The following IL7 variants were observed in gnomAD, a reference collection of about 807,000 sequenced individuals.
The protein encoded by IL7 is interleukin-7.
A neutral mutation model predicts 21.6 loss-of-function variants in IL7; 3 were observed. That is an observed-to-expected ratio of 0.14 (90% CI 0.06 to 0.36). The LOEUF is 0.36. Ranked by LOEUF, IL7 falls within the 10% of genes least tolerant of loss-of-function variation. IL7 has a pLI of 1.00. For synonymous variants in IL7, 62 were observed against 68.1 expected (o/e 0.91, Z 0.44); for missense variants, 175 against 200.2 (o/e 0.87, Z 0.76).
chr8:78,731,477 T>C (rs1811423944), downstream of IL7, among the ~76,000 whole-genome samples: 1 of 151,914 alleles, frequency 6.6e-6, no homozygotes, highest in East Asian at 1.9e-4. Context: ...CTTATAAGAA[T>C]TGTGAACCTC....
intron 2 of IL7, among the ~76,000 whole-genome samples, chr8:78,753,686 C>T (rs1405544792): frequency 6.6e-6 from 1 of 152,078 alleles, no homozygotes; most frequent in Non-Finnish European, 1.5e-5. Context: ...AGGTTTTCTT[C>T]TAGGGTTTTT....
chr8:78,690,608 C>T (rs1362457807), intron 3 of IL7, among the ~76,000 whole-genome samples: 1 of 150,776 alleles, frequency 6.6e-6, no homozygotes, highest in African/African-American at 2.4e-5. Flanking sequence ...TTTATATATA[C>T]ATTTTATAAT....
intron 3 of IL7, among the ~76,000 whole-genome samples, chr8:78,697,047 G>T (rs1810444299): frequency 6.6e-6 from 1 of 152,120 alleles, no homozygotes; most frequent in Non-Finnish European, 1.5e-5. Context: ...GTCTAGTTTG[G>T]AAAACCTTTG....
At chr8:78,680,446 A>G (rs1436636668) in intron 4 of IL7, among the ~76,000 whole-genome samples, 1 of 152,116 alleles carries the variant, frequency 6.6e-6, no homozygotes, top group Non-Finnish European at 1.5e-5. Flanking sequence ...CTCCTCCCAA[A>G]CATACTGAAT....
At chr8:78,711,685 T>C (rs1810955052) in intron 3 of IL7, among the ~76,000 whole-genome samples, 1 of 152,160 alleles carries the variant, frequency 6.6e-6, no homozygotes, top group African/African-American at 2.4e-5. Context: ...CTTCATGATT[T>C]TTTTTTTGAA....
At chr8:78,717,351 C>G (rs77219198), downstream of IL7, 1 of 1,609,730 alleles carries the variant, frequency 6.2e-7, no homozygotes, top group Non-Finnish European at 8.5e-7. Context: ...TGTGCATCTT[C>G]CCTTAATGGT....
At chr8:78,795,779 A>G (rs933292268) in intron 2 of IL7, among the ~76,000 whole-genome samples, 1 of 152,110 alleles carries the variant, frequency 6.6e-6, no homozygotes, top group African/African-American at 2.4e-5. Flanking sequence ...CAAGAAATCT[A>G]AATGGAGCAA....
At chr8:78,717,415 C>T (rs1333700638), downstream of IL7, 2 of 1,613,220 alleles carry the variant, frequency 1.2e-6, no homozygotes, top group Non-Finnish European at 1.7e-6. Context: ...CAAAATTCTG[C>T]CATGAGTGTG....
downstream of IL7, among the ~76,000 whole-genome samples, chr8:78,712,960 A>G (rs939644797): frequency 2.6e-5 from 4 of 152,182 alleles, no homozygotes; most frequent in Non-Finnish European, 5.9e-5. Flanking sequence ...TTAAGATACT[A>G]GCAGCAGCCA....
intron 3 of IL7, among the ~76,000 whole-genome samples, chr8:78,721,897 G>A (rs1462364263): frequency 6.6e-6 from 1 of 151,852 alleles, no homozygotes; most frequent in Non-Finnish European, 1.5e-5. Context: ...ACTATATAGT[G>A]ATAAAATTGA....
At chr8:78,780,123 C>A (rs1445559834) in intron 2 of IL7, among the ~76,000 whole-genome samples, 2 of 152,002 alleles carry the variant, frequency 1.3e-5, no homozygotes, top group Non-Finnish European at 2.9e-5. Flanking sequence ...ATTCTTCTCC[C>A]TTTTCTTCTT....
intron 1 of IL7, among the ~76,000 whole-genome samples, chr8:78,800,515 G>A (rs892339343): frequency 2.0e-5 from 3 of 152,040 alleles, no homozygotes; most frequent in Non-Finnish European, 2.9e-5. Flanking sequence ...GTACAGACTG[G>A]TCTTGAACTC....
chr8:78,689,127 TA>T, intron 3 of IL7: 6 of 920,442 alleles, frequency 6.5e-6, no homozygotes, highest in Non-Finnish European at 8.8e-6. Context: ...TGTTATTACT[TA>T]TATTTTTTGA....
intron 3 of IL7, among the ~76,000 whole-genome samples, chr8:78,690,601 A>G (rs899209746): frequency 6.6e-6 from 1 of 151,808 alleles, no homozygotes; most frequent in Non-Finnish European, 1.5e-5. Flanking sequence ...ATTTACATTT[A>G]TATATACATT....
At chr8:78,690,490 G>T (rs1441438477) in intron 3 of IL7, among the ~76,000 whole-genome samples, 2 of 151,600 alleles carry the variant, frequency 1.3e-5, no homozygotes, top group African/African-American at 2.4e-5. Context: ...AACCTGGGAG[G>T]AGGAGCTTGC....
At chr8:78,768,755 T>C (rs1812846568) in intron 2 of IL7, among the ~76,000 whole-genome samples, 1 of 152,076 alleles carries the variant, frequency 6.6e-6, no homozygotes. Flanking sequence ...TCTTTTGCTG[T>C]GCAGAAGCTC....
intron 1 of IL7, 143 bp downstream of exon 1, chr8:78,804,770 G>A (rs925480847): frequency 5.7e-6 from 5 of 881,364 alleles, no homozygotes; most frequent in Non-Finnish European, 8.9e-6. Flanking sequence ...GCTGCCCATG[G>A]GAGAGCCAGT....
chr8:78,712,117 G>T (rs1482468156), intron 3 of IL7: 5 of 1,265,524 alleles, frequency 4.0e-6, no homozygotes, highest in Non-Finnish European at 5.2e-6. Flanking sequence ...GTAAGTATTT[G>T]TAACTCAGTT....
downstream of IL7, chr8:78,715,145 G>T: frequency 8.0e-7 from 1 of 1,255,716 alleles, no homozygotes; most frequent in Non-Finnish European, 1.1e-6. Flanking sequence ...ATTCTTTCTA[G>T]TCATGTGAAT....
Sources: gnomAD v4.1 joint callset for allele counts (sites outside exome capture counted in the v4.1 genomes callset) on GRCh38, gnomAD v4.1.1 for gene constraint, MANE v1.5 for transcripts, NCBI Gene and HGNC (gene_info 2026-07-23, HGNC 2026-07-21) for gene names.